SH3RF3: variants seen among roughly 807,000 people sequenced by gnomAD.
SH3RF3 encodes SH3 domain containing ring finger 3, also known as E3 ubiquitin-protein ligase SH3RF3.
In SH3RF3, 29 loss-of-function variants were observed where a neutral mutation model predicts 66.3. The ratio of observed to expected loss-of-function variants is 0.44; its 90% CI spans 0.33 to 0.60. SH3RF3 has a LOEUF of 0.60. Ranked by LOEUF, SH3RF3 falls within the 20% of genes least tolerant of loss-of-function variation. The pLI is 0.04. For synonymous variants in SH3RF3, 583 were observed against 532.0 expected (o/e 1.10, Z -1.32); for missense variants, 1,194 against 1,190.9 (o/e 1.00, Z -0.04).
intron 1 of SH3RF3, among the ~76,000 whole-genome samples, chr2:109,146,238 C>T (rs1480063999): frequency 6.6e-6 from 1 of 152,144 alleles, no homozygotes; most frequent in Non-Finnish European, 1.5e-5. Flanking sequence ...TTAGTTCTGG[C>T]TGCTCTTATA....
intron 1 of SH3RF3, among the ~76,000 whole-genome samples, chr2:109,257,793 G>A (rs755649463): frequency 4.6e-5 from 7 of 152,122 alleles, no homozygotes; most frequent in Non-Finnish European, 8.8e-5. Flanking sequence ...TATGTTTTAC[G>A]GACAGGAGAC....
At chr2:109,491,412 T>A (rs1369069294) in intron 9 of SH3RF3, among the ~76,000 whole-genome samples, 3 of 152,228 alleles carry the variant, frequency 2.0e-5, no homozygotes, top group African/African-American at 7.2e-5. Context: ...TCTATATCCC[T>A]TGAATTATCA....
At chr2:109,417,119 C>T (rs903623312) in intron 4 of SH3RF3, among the ~76,000 whole-genome samples, 2 of 152,134 alleles carry the variant, frequency 1.3e-5, no homozygotes, top group Non-Finnish European at 2.9e-5. Flanking sequence ...AAGATCCTGC[C>T]CACACATTTC....
intron 8 of SH3RF3, among the ~76,000 whole-genome samples, chr2:109,468,110 C>T (rs918684228): frequency 4.6e-5 from 7 of 152,346 alleles, no homozygotes; most frequent in African/African-American, 1.4e-4. Flanking sequence ...AAAGGGAATA[C>T]GTTCTGAAAA....
intron 1 of SH3RF3, among the ~76,000 whole-genome samples, chr2:109,292,461 A>G (rs189605039): frequency 2.1e-4 from 32 of 152,358 alleles, no homozygotes; most frequent in Non-Finnish European, 3.7e-4. Context: ...AGGATATTTC[A>G]TAGCTGTGGA....
intron 3 of SH3RF3, among the ~76,000 whole-genome samples, chr2:109,383,397 C>G (rs1239677323): frequency 6.6e-6 from 1 of 152,210 alleles, no homozygotes; most frequent in African/African-American, 2.4e-5. Context: ...GTTGCTGTTG[C>G]TGCCTCACCC....
intron 5 of SH3RF3, among the ~76,000 whole-genome samples, chr2:109,424,796 C>T (rs1676986336): frequency 6.6e-6 from 1 of 152,146 alleles, no homozygotes; most frequent in South Asian, 2.1e-4. Context: ...CCTACCTTTT[C>T]CCTTAGACAC....
Position 109,490,641 on chromosome 2 carries a change from G to C in SH3RF3, c.2185G>C (p.Gly729Arg). 6.7e-7 allele frequency: 1 copy of C among 1,492,750 alleles called. No homozygotes were observed. The highest frequency in any genetic ancestry group is 8.9e-7 in the Non-Finnish European group (1 of 1,119,070). The allele number at this position is 1,492,750 out of a possible 1,614,324, so 92.5% of individuals were successfully genotyped here. The change falls in exon 9 of 10, where the codon GGA becomes CGA. Residue 729 changes from glycine (G) to arginine (R), a missense_variant. Gly to Arg is a moderately radical substitution (Grantham distance 125). Coordinates refer to ENST00000309415, the MANE Select transcript of SH3RF3 (RefSeq NM_001099289.3). ...GAGTGGGCTCCTGAAGCTTCTAGCCGGAGCATCCACCAAGAAGAAGTCACG... is the reference window on the plus strand; with the variant it reads ...GAGTGGGCTCCTGAAGCTTCTAGCCCGAGCATCCACCAAGAAGAAGTCACG... ...KKSGLLKLLAGASTKKKSRSP... is the reference protein window; with the variant it reads ...KKSGLLKLLARASTKKKSRSP...
intron 2 of SH3RF3, among the ~76,000 whole-genome samples, chr2:109,348,999 G>A (rs7580010): frequency 0.21 from 31,405 of 152,112 alleles, 3,696 homozygotes; most frequent in African/African-American, 0.33. Context: ...TGTCTTGCCT[G>A]TGTCTCTCTG....
intron 4 of SH3RF3, among the ~76,000 whole-genome samples, chr2:109,417,747 G>GT (rs1398754800): frequency 2.0e-5 from 3 of 152,318 alleles, no homozygotes; most frequent in Admixed American, 2.0e-4. Flanking sequence ...GGAAGAAATC[G>GT]TTTCTGACTT....
At chr2:109,427,138 T>G (rs1677048068) in intron 5 of SH3RF3, among the ~76,000 whole-genome samples, 1 of 152,002 alleles carries the variant, frequency 6.6e-6, no homozygotes, top group South Asian at 2.1e-4. Flanking sequence ...TGGGCTAATT[T>G]TCGTCTTTTT....
intron 2 of SH3RF3, among the ~76,000 whole-genome samples, chr2:109,370,342 C>T (rs1006986922): frequency 3.8e-4 from 58 of 152,020 alleles, no homozygotes; most frequent in African/African-American, 1.4e-3. Flanking sequence ...CGGGTTCAAG[C>T]GATTCTCCTG....
intron 1 of SH3RF3, among the ~76,000 whole-genome samples, chr2:109,262,539 C>A (rs1450567345): frequency 6.6e-6 from 1 of 152,198 alleles, no homozygotes; most frequent in Non-Finnish European, 1.5e-5. Flanking sequence ...CCTCATCCTT[C>A]AAAGGTTTTC....
intron 1 of SH3RF3, among the ~76,000 whole-genome samples, chr2:109,289,646 A>T (rs1681117768): frequency 6.6e-6 from 1 of 152,154 alleles, no homozygotes; most frequent in South Asian, 2.1e-4. Context: ...GTTGGTTTTC[A>T]TCCTATTCCA....
chr2:109,152,213 C>T (rs1255264147), intron 1 of SH3RF3, among the ~76,000 whole-genome samples: 2 of 152,196 alleles, frequency 1.3e-5, no homozygotes, highest in African/African-American at 2.4e-5. Flanking sequence ...AAAACTGTCA[C>T]CTGTCAGGTG....
rs141142313 is a variant in SH3RF3, at chr2:109,438,092, C to T, written c.1828+946C>T. On this transcript the variant is annotated intron_variant, in intron 7 of 9. Coordinates refer to ENST00000309415, the MANE Select transcript of SH3RF3 (RefSeq NM_001099289.3). ...ATACTATTTCTTAGACTAACGAACA[C>T]GATGACCCATTAGAAGTGTCCAGAA... is the stretch of plus-strand genomic sequence containing the variant. 3.7e-3 allele frequency among the ~76,000 whole-genome samples: 559 copies of T among 152,324 alleles called. 4 individuals are homozygous for T. The highest frequency in any genetic ancestry group is 6.1e-3 in the Admixed American group (94 of 15,296).
chr2:109,431,860 G>A, intron 5 of SH3RF3, among the ~76,000 whole-genome samples: 1 of 151,380 alleles, frequency 6.6e-6, no homozygotes, highest in African/African-American at 2.4e-5. Flanking sequence ...GACAGGGTGA[G>A]ATGCTGTTTC....
At chr2:109,383,294 C>T (rs1017486697) in intron 3 of SH3RF3, among the ~76,000 whole-genome samples, 3 of 152,306 alleles carry the variant, frequency 2.0e-5, no homozygotes, top group Admixed American at 6.5e-5. Context: ...CCAAGCACAC[C>T]CATGTGGAGT....
chr2:109,305,290 CTG>C (rs1300246748), intron 1 of SH3RF3, among the ~76,000 whole-genome samples: 1 of 152,164 alleles, frequency 6.6e-6, no homozygotes, highest in Non-Finnish European at 1.5e-5. Flanking sequence ...GGCGTTTTGA[CTG>C]AGGCCTGTCA....
Sources: allele counts gnomAD v4.1 joint callset (sites outside exome capture counted in the v4.1 genomes callset), GRCh38; gene constraint gnomAD v4.1.1; transcripts MANE v1.5; gene names NCBI Gene and HGNC (gene_info 2026-07-23, HGNC 2026-07-21).